Variants in ZNF445 observed in about 807,000 individuals in gnomAD.
ZNF445 encodes the protein zinc finger protein 168.
ZNF445 carries 19 observed loss-of-function variants against 93.9 expected under a neutral mutation model. That is an observed-to-expected ratio of 0.20 (90% CI 0.14 to 0.30). The LOEUF is 0.30. Ranked by LOEUF, ZNF445 falls within the 10% of genes least tolerant of loss-of-function variation. The pLI is 1.00. For missense variants in ZNF445, 1,058 were observed against 1,259.4 expected (o/e 0.84, Z 2.42); for synonymous variants, 449 against 446.3 (o/e 1.01, Z -0.08).
rs547699695 is a variant in ZNF445, at chr3:44,474,377, G to A, written c.-269+3214C>T. ...TAAAAATACAAAATTAGCCAGGCCT[G>A]GTGGCACATGCCTGTAATCCCAGCT... is the stretch of plus-strand genomic sequence containing the variant. On this transcript the variant is annotated intron_variant, in intron 1 of 7. Coordinates refer to ENST00000396077, the MANE Select transcript of ZNF445 (RefSeq NM_181489.6). 2.2e-3 allele frequency among the ~76,000 whole-genome samples: 332 copies of A among 152,248 alleles called. 2 individuals are homozygous for A. The highest frequency in any genetic ancestry group is 7.5e-3 in the African/African-American group (313 of 41,542).
rs2125673459 is a variant in ZNF445 at position 44,436,159 on chromosome 3, T to C, written c.*10416A>G. Reference sequence around the variant, plus strand: ...TCTGTGTTGGTAATTTAGGTCAGACTTTATTCACCAGATCTGGAGCTTTCC... The same window carrying C: ...TCTGTGTTGGTAATTTAGGTCAGACCTTATTCACCAGATCTGGAGCTTTCC... On this transcript the variant is annotated 3_prime_UTR_variant, in exon 8 of 8. Coordinates refer to ENST00000396077, the MANE Select transcript of ZNF445 (RefSeq NM_181489.6). 6.6e-6 allele frequency: 1 copy of C among 152,348 alleles called. No homozygotes were observed. The highest frequency in any genetic ancestry group is 2.4e-5 in the African/African-American group (1 of 41,556). The allele number at this position is 152,348 out of a possible 1,614,324, so 9.4% of individuals were successfully genotyped here.
intron 1 of ZNF445, among the ~76,000 whole-genome samples, chr3:44,463,857 G>T (rs532060425): frequency 1.3e-5 from 2 of 151,650 alleles, no homozygotes; most frequent in Non-Finnish European, 2.9e-5. Flanking sequence ...ACTGGTCATG[G>T]TAGCTCATGC....
chr3:44,457,680 C>T (rs1427049824), intron 2 of ZNF445, among the ~76,000 whole-genome samples: 1 of 152,114 alleles, frequency 6.6e-6, no homozygotes, highest in Admixed American at 6.6e-5. Context: ...CTGACCAAAA[C>T]CTCACCTCTT....
rs1559395601 is a variant in ZNF445, at chr3:44,455,391, C to A, written c.159G>T (p.Leu53=). The A allele has an allele frequency of 1.9e-6, 3 of 1,614,170 alleles. No homozygotes were observed. The highest frequency in any genetic ancestry group is 2.5e-6 in the Non-Finnish European group (3 of 1,180,018). ...PQTLNRPGQE[L]FRQLFRQLRY... ...GAAGCTGTCTGAAGAGCTGGCGGAA[C>A]AGCTCCTGGCCAGGGCGGTTGAGAG... is the stretch of plus-strand genomic sequence containing the variant. The change falls in exon 3 of 8, where the codon CTG becomes CTT. Residue 53 remains leucine (L), a synonymous_variant. Coordinates refer to ENST00000396077, the MANE Select transcript of ZNF445 (RefSeq NM_181489.6).
At chr3:44,464,247 ATC>A (rs1698161694) in intron 1 of ZNF445, among the ~76,000 whole-genome samples, 1 of 152,106 alleles carries the variant, frequency 6.6e-6, no homozygotes, top group Non-Finnish European at 1.5e-5. Flanking sequence ...AATTTTGGGG[ATC>A]TGTCTTTGCC....
rs1230308818 is a variant in ZNF445 at position 44,448,550 on chromosome 3, T to G, written c.1121A>C (p.Lys374Thr). The G allele has an allele frequency of 4.3e-6, 7 of 1,614,044 alleles. No individual in the cohort carries two copies. The African/African-American group carries it at 9.3e-5, about 22-fold the overall frequency. Residue 374 changes from lysine to threonine, a missense_variant, in exon 8 of 8, where the codon AAG (lysine) becomes ACG (threonine). Around this residue, in one of 3 missense-constraint regions of ZNF445, gnomAD observed 657 missense variants for 746.4 expected, o/e 0.88. Coordinates refer to ENST00000396077, the MANE Select transcript of ZNF445 (RefSeq NM_181489.6). The part of the protein sequence containing the change: ...QCENPIQVRV[K>T]KEETNFSHRT... ...GTGACTGAAATTGGTCTCTTCTTTC[T>G]TAACTCTTACTTGTATGGGATTTTC...
Position 44,432,545 on chromosome 3 carries a change from G to C in ZNF445, c.*14030C>G, listed in dbSNP as rs1413737597. On this transcript the variant is annotated 3_prime_UTR_variant, in exon 8 of 8. Transcript: ENST00000396077. ...TCTCTCTTGCCTGAGAGAGAGTCTG[G>C]GGCAGCCAGACTTTATGTTCTCCTC... 1 of 152,092 alleles carries C rather than the reference G, an allele frequency of 6.6e-6. No individual in the cohort carries two copies. Among genetic ancestry groups the C allele is most frequent in the Non-Finnish European group, 1.5e-5 (1 of 68,024 alleles). The allele number at this position is 152,092 out of a possible 1,614,324, so 9.4% of individuals were successfully genotyped here.
intron 1 of ZNF445, among the ~76,000 whole-genome samples, chr3:44,461,498 C>A (rs1311604912): frequency 6.6e-6 from 1 of 152,172 alleles, no homozygotes; most frequent in East Asian, 1.9e-4. Context: ...CTCAAAGAAC[C>A]TTCCTTATTT....
At chr3:44,473,336 C>G (rs973140044) in intron 1 of ZNF445, among the ~76,000 whole-genome samples, 10 of 151,784 alleles carry the variant, frequency 6.6e-5, no homozygotes, top group Admixed American at 2.0e-4. Context: ...TGCCTGTAAT[C>G]CCAGCTACTC....
chr3:44,474,691 T>C (rs1384067455), intron 1 of ZNF445, among the ~76,000 whole-genome samples: 2 of 152,176 alleles, frequency 1.3e-5, no homozygotes, highest in Admixed American at 6.5e-5. Context: ...AAATAAACTT[T>C]TAAAAGTCTG....
intron 3 of ZNF445, among the ~76,000 whole-genome samples, chr3:44,453,685 T>A (rs1219789510): frequency 6.6e-6 from 1 of 152,228 alleles, no homozygotes; most frequent in African/African-American, 2.4e-5. Context: ...TCAGCTCCCC[T>A]GTGTGCAGGA....
In ZNF445 at chr3:44,438,156, T is replaced by G. The variant is rs1481006606; in HGVS notation, c.*8419A>C. ...TATCTCCTCAGTCACATTTTGCACT[T>G]CACTTTTTTTTTTTTTTAATTGAGA... On this transcript the variant is annotated 3_prime_UTR_variant, in exon 8 of 8. Transcript: ENST00000396077. The G allele has an allele frequency of 1.3e-5, 2 of 151,668 alleles. No homozygotes were observed. The highest frequency in any genetic ancestry group is 2.9e-5 in the Non-Finnish European group (2 of 67,928). 9.4% of individuals were successfully genotyped at this position (151,668 alleles called of 1,614,324 possible).
intron 1 of ZNF445, among the ~76,000 whole-genome samples, chr3:44,477,061 T>TA (rs1698370622): frequency 6.6e-6 from 1 of 152,238 alleles, no homozygotes; most frequent in African/African-American, 2.4e-5. Flanking sequence ...TCCAAATGGT[T>TA]AAATGGTAAA....
chr3:44,473,638 A>G (rs1034087695), intron 1 of ZNF445, among the ~76,000 whole-genome samples: 2 of 151,886 alleles, frequency 1.3e-5, no homozygotes, highest in African/African-American at 4.8e-5. Flanking sequence ...CAACAACAAC[A>G]AACAGGGATC....
chr3:44,448,109 G>A lies in ZNF445; in HGVS notation c.1562C>T (p.Ala521Val), dbSNP rs1160975341. 2 of 1,613,792 alleles carry A rather than the reference G, an allele frequency of 1.2e-6. No individual in the cohort carries two copies. The highest frequency in any genetic ancestry group is 1.7e-6 in the Non-Finnish European group (2 of 1,180,026). Residue 521 changes from alanine (A) to valine (V), a missense_variant, in exon 8 of 8, where the codon GCC becomes GTC. Transcript: ENST00000396077. ...KAFKCRVCGK[A>V]FRWSSNCARH... ...CGCACAGTTGGAACTCCACCGGAAG[G>A]CTTTCCCACACACCCTACATTTAAA... is the stretch of plus-strand genomic sequence containing the variant.
In ZNF445 at chr3:44,446,343, G is replaced by A. The variant is rs1697876921; in HGVS notation, c.*232C>T. On this transcript the variant is annotated 3_prime_UTR_variant, in exon 8 of 8. Coordinates refer to ENST00000396077, the MANE Select transcript of ZNF445 (RefSeq NM_181489.6). This position sits in a 1 kb window ranked among gnomAD's most constrained non-coding sequence, Gnocchi z 4.2. Reference sequence around the variant, plus strand: ...TATGGTGCAGAGGCCACTCCTAGGGGCCGGAGTCTCCAGAAGGGCTCCAAA... The same window carrying A: ...TATGGTGCAGAGGCCACTCCTAGGGACCGGAGTCTCCAGAAGGGCTCCAAA... 1.8e-6 allele frequency: 1 copy of A among 568,080 alleles called. No homozygotes were observed. The highest frequency in any genetic ancestry group is 1.9e-5 in the African/African-American group (1 of 53,200). 35.2% of individuals were successfully genotyped at this position (568,080 alleles called of 1,614,324 possible). A position where few individuals can be genotyped will look rare whatever the true frequency, so the allele number is the denominator to read the frequency against.
At chr3:44,453,162 C>T (rs9754736) in intron 3 of ZNF445, among the ~76,000 whole-genome samples, 107,273 of 151,926 alleles carry the variant, frequency 0.71, 38,445 homozygotes, top group East Asian at 1. Flanking sequence ...TCTGCCACCT[C>T]GGCCTCCCAA....
chr3:44,469,298 G>A (rs1208148236), intron 1 of ZNF445, among the ~76,000 whole-genome samples: 1 of 152,180 alleles, frequency 6.6e-6, no homozygotes, highest in Non-Finnish European at 1.5e-5. Flanking sequence ...ACAAGATCCA[G>A]CCACTTGCAA....
At chr3:44,452,954 G>A (rs538127467) in intron 3 of ZNF445, among the ~76,000 whole-genome samples, 2 of 140,628 alleles carry the variant, frequency 1.4e-5, no homozygotes, top group Non-Finnish European at 3.0e-5. Context: ...TTGCTCTTTC[G>A]CCAGGATGGT....
Sources: allele counts gnomAD v4.1 joint callset (sites outside exome capture counted in the v4.1 genomes callset), GRCh38; gene constraint gnomAD v4.1.1; regional missense constraint gnomAD v4.1.1; non-coding constraint Gnocchi (gnomAD v3.1); transcripts MANE v1.5; gene names NCBI Gene and HGNC (gene_info 2026-07-23, HGNC 2026-07-21).